Variants in AOX1 observed in about 807,000 individuals in gnomAD.
AOX1 encodes the protein aldehyde oxidase 1, also known as aldehyde oxidase.
Under a neutral mutation model 169.5 loss-of-function variants are expected in AOX1, and 153 were observed. The observed-to-expected ratio is 0.90, with a 90% CI of 0.79 to 1.03. AOX1 has a LOEUF of 1.03. Among genes scored for constraint, AOX1 ranks in the 50% least tolerant of loss-of-function variants. The probability of loss-of-function intolerance (pLI) is 0.00; values close to 1 mark genes in which losing one functional copy is unlikely to be tolerated. For synonymous variants in AOX1, 562 were observed against 581.9 expected, an observed-to-expected ratio of 0.97 and a Z score of 0.49; for missense variants, 1,656 against 1,663.9, an observed-to-expected ratio of 1.00 and a Z score of 0.08.
Position 200,657,184 on chromosome 2 carries a change from A to ATTT in AOX1, c.3171+248_3171+249insTTT, listed in dbSNP as rs1284180212. Among the ~76,000 whole-genome samples the ATTT allele has an allele frequency of 6.7e-3, 435 of 64,594 alleles. 2 individuals carry two copies. The highest frequency in any genetic ancestry group is 0.029 in the Admixed American group (165 of 5,632). The allele number at this position is 64,594 out of a possible 152,430, so 42.4% of individuals were successfully genotyped here. On this transcript the variant is annotated intron_variant, in intron 27 of 34. Coordinates refer to ENST00000374700, the MANE Select transcript of AOX1 (RefSeq NM_001159.4). ...ACCAAAAATATATATATATATATAT[A>ATTT]TATATATTTTTTTTTTTTTTTAATT...
At position 200,651,022 on chromosome 2, in the gene AOX1, CAA is replaced by C. The variant is rs748938666; in HGVS notation, c.2897_2898del (p.Gln966ArgfsTer69). 1 of 1,614,204 alleles carries C rather than the reference CAA, an allele frequency of 6.2e-7. No individual in the cohort carries two copies. Among genetic ancestry groups the C allele is most frequent in the South Asian group, 1.1e-5 (1 of 91,080 alleles). ...GGAAATTGATCAAACACCCTACAAACAAGAGATCAATGCCAAGAACCTAATCC... is the reference window on the plus strand; with the variant it reads ...GGAAATTGATCAAACACCCTACAAACGAGATCAATGCCAAGAACCTAATCC... ...YKEIDQTPYK[Q>X]EINAKNLIQC... On this transcript the variant is annotated frameshift_variant, in exon 26 of 35. Transcript: ENST00000374700. LOFTEE classifies it high-confidence loss of function.
intron 26 of AOX1, among the ~76,000 whole-genome samples, chr2:200,653,806 A>G (rs2035626410): frequency 1.3e-5 from 2 of 151,950 alleles, no homozygotes; most frequent in Non-Finnish European, 2.9e-5. Flanking sequence ...GTATGTGCTC[A>G]CTCTTTGTCA....
At position 200,586,116 on chromosome 2, in the gene AOX1, G is replaced by C. The variant is rs867144952; in HGVS notation, c.8G>C (p.Arg3Pro). 1.3e-6 allele frequency: 2 copies of C among 1,561,588 alleles called. No homozygotes were observed. The highest frequency in any genetic ancestry group is 1.9e-5 in the Admixed American group (1 of 53,034). Residue 3 changes from arginine (R) to proline (P), a missense_variant, in exon 1 of 35, where the codon CGG (arginine) becomes CCG (proline). Arg to Pro is a moderately radical substitution (Grantham distance 103). Transcript: ENST00000374700. ...ACCAGCGCGGACACCACAATGGACCGGGCGTCCGAGCTGCTCTTCTACGTG... is the reference window on the plus strand; with the variant it reads ...ACCAGCGCGGACACCACAATGGACCCGGCGTCCGAGCTGCTCTTCTACGTG... MD[R>P]ASELLFYVNG...
At chr2:200,617,258 CACATACAA>C (rs1274685308) in intron 16 of AOX1, among the ~76,000 whole-genome samples, 1 of 152,032 alleles carries the variant, frequency 6.6e-6, no homozygotes, top group Non-Finnish European at 1.5e-5. Context: ...TTTTCACACA[CACATACAA>C]ACATCCACAT....
intron 16 of AOX1, among the ~76,000 whole-genome samples, chr2:200,618,265 C>T (rs576208630): frequency 7.4e-4 from 112 of 152,214 alleles, no homozygotes; most frequent in Non-Finnish European, 1.3e-3. Context: ...GTCAATACTC[C>T]GTTTTTTGTT....
In AOX1 at chr2:200,636,446, C is replaced by T. The variant is rs539216979; in HGVS notation, c.2347-465C>T. On this transcript the variant is annotated intron_variant, in intron 21 of 34. Coordinates refer to ENST00000374700, the MANE Select transcript of AOX1 (RefSeq NM_001159.4). ...ATCTGGCTGAGAAGTGCTTATTTTC[C>T]AGTAGAGACAGTAGAATGCAGGGAA... Among the ~76,000 whole-genome samples, 20 of 152,140 alleles carry T rather than the reference C, an allele frequency of 1.3e-4. No homozygotes were observed. The East Asian group carries it at 3.3e-3, about 25-fold the overall frequency.
chr2:200,632,924 T>A (rs1050434370), intron 20 of AOX1, among the ~76,000 whole-genome samples: 7 of 150,574 alleles, frequency 4.6e-5, no homozygotes, highest in African/African-American at 1.7e-4. Context: ...TCAGATGGAA[T>A]CTCACTCTGT....
At chr2:200,602,718 A>G (rs1559233432) in intron 6 of AOX1, among the ~76,000 whole-genome samples, 1 of 152,056 alleles carries the variant, frequency 6.6e-6, no homozygotes, top group Non-Finnish European at 1.5e-5. Flanking sequence ...GCAACTGATC[A>G]TTTGCTATCC....
chr2:200,650,875 CT>C (rs2035565456), intron 25 of AOX1, 98 bp from the exon 26 acceptor site: 3 of 1,104,478 alleles, frequency 2.7e-6, no homozygotes, highest in Non-Finnish European at 4.0e-6. Context: ...TGGCTTGGAC[CT>C]TACAGGATGG....
chr2:200,602,920 G>T (rs909486120), intron 6 of AOX1, among the ~76,000 whole-genome samples: 20 of 152,104 alleles, frequency 1.3e-4, no homozygotes, highest in Non-Finnish European at 2.9e-4. Context: ...GATAAGAACA[G>T]TGATGACAAT....
chr2:200,676,311 G>T (rs1281919591), downstream of AOX1, among the ~76,000 whole-genome samples: 1 of 152,052 alleles, frequency 6.6e-6, no homozygotes, highest in Non-Finnish European at 1.5e-5. Context: ...TTAAGAAGAT[G>T]GTTTAAGGCC....
At chr2:200,670,106 C>T (rs1270879909) in intron 34 of AOX1, among the ~76,000 whole-genome samples, 1 of 152,062 alleles carries the variant, frequency 6.6e-6, no homozygotes, top group Non-Finnish European at 1.5e-5. Context: ...AATATAGGCC[C>T]CTCTGACAGT....
chr2:200,657,165 A>AAAAAAATAT (rs1179205121), intron 27 of AOX1, among the ~76,000 whole-genome samples: 1 of 88,408 alleles, frequency 1.1e-5, no homozygotes, highest in Non-Finnish European at 2.0e-5. Context: ...CTCTACCAAA[A>AAAAAAATAT]ATATATATAT....
At chr2:200,663,173 G>A (rs1003820351) in intron 31 of AOX1, among the ~76,000 whole-genome samples, 1 of 152,136 alleles carries the variant, frequency 6.6e-6, no homozygotes, top group Non-Finnish European at 1.5e-5. Flanking sequence ...CTGGTGGCCT[G>A]TCTTTATTTC....
intron 6 of AOX1, among the ~76,000 whole-genome samples, 191 bp downstream of exon 6, chr2:200,602,536 T>G (rs2034439994): frequency 6.6e-6 from 1 of 152,194 alleles, no homozygotes; most frequent in South Asian, 2.1e-4. Flanking sequence ...GCCTTGGTGG[T>G]CGCATAATGA....
rs775065999 is a variant in AOX1, at chr2:200,604,063, C to T, written c.635C>T (p.Pro212Leu). ...GAAGAGGAGTTTCTGCCATTGGATCCAACCCAGGAACTGATATTTCCTCCT... is the reference window on the plus strand; with the variant it reads ...GAAGAGGAGTTTCTGCCATTGGATCTAACCCAGGAACTGATATTTCCTCCT... ...FAEEEFLPLD[P>L]TQELIFPPEL... Residue 212 changes from proline to leucine, a missense_variant, in exon 8 of 35, where the codon CCA becomes CTA. Pro to Leu is a moderately conservative substitution (Grantham distance 98, BLOSUM62 -3). Transcript: ENST00000374700. 6 of 1,613,412 alleles carry T rather than the reference C, an allele frequency of 3.7e-6. No homozygotes were observed. The South Asian group carries it at 4.4e-5, about 12-fold the overall frequency.
At chr2:200,656,213 G>A (rs757501448) in intron 26 of AOX1, among the ~76,000 whole-genome samples, 23 of 152,188 alleles carry the variant, frequency 1.5e-4, no homozygotes, top group Non-Finnish European at 3.2e-4. Context: ...AGAGCCAAAG[G>A]GAAGAAGCCA....
At chr2:200,643,410 T>TATAC (rs921341784) in intron 25 of AOX1, among the ~76,000 whole-genome samples, 6 of 151,500 alleles carry the variant, frequency 4.0e-5, no homozygotes, top group African/African-American at 9.7e-5. Context: ...TATATATATA[T>TATAC]ATACATACAT....
Position 200,634,893 on chromosome 2 carries a change from C to G in AOX1, c.2324C>G (p.Thr775Arg). 6.2e-7 allele frequency: 1 copy of G among 1,614,066 alleles called. No homozygotes were observed. The highest frequency in any genetic ancestry group is 1.3e-5 in the African/African-American group (1 of 75,044). Residue 775 changes from threonine to arginine, a missense_variant, in exon 21 of 35, where the codon ACA (threonine) becomes AGA (arginine). Coordinates refer to ENST00000374700, the MANE Select transcript of AOX1 (RefSeq NM_001159.4). ...EDQEMDVYVSTQFPKYIQDIV... is the reference protein window; with the variant it reads ...EDQEMDVYVSRQFPKYIQDIV... ...CAAGAAATGGATGTCTACGTGTCCA[C>G]ACAGTTTCCCAAATATATACAGGTA...
Sources: gnomAD v4.1 joint callset for allele counts (sites outside exome capture counted in the v4.1 genomes callset) on GRCh38, gnomAD v4.1.1 for gene constraint, MANE v1.5 for transcripts, NCBI Gene and HGNC (gene_info 2026-07-23, HGNC 2026-07-21) for gene names.